FLT3: variants seen among roughly 807,000 people sequenced by gnomAD.
The protein encoded by FLT3 is fms related receptor tyrosine kinase 3.
FLT3 carries 46 observed loss-of-function variants against 126.6 expected under a neutral mutation model. The observed-to-expected ratio is 0.36, with a 90% CI of 0.29 to 0.46. The LOEUF is 0.46. FLT3 is among the 20% of genes least tolerant of loss of function. FLT3 has a pLI of 1.00. For synonymous variants in FLT3, 404 were observed against 434.4 expected (o/e 0.93, Z 0.87); for missense variants, 1,069 against 1,190.3 (o/e 0.90, Z 1.50).
intron 1 of FLT3, among the ~76,000 whole-genome samples, chr13:28,077,105 G>GAA (rs1368526389): frequency 2.6e-4 from 34 of 132,482 alleles, no homozygotes; most frequent in East Asian, 1.7e-3. Flanking sequence ...GAAAAAGAAA[G>GAA]AGAGAGAGAA....
Position 28,049,554 on chromosome 13 carries a change from CAG to C in FLT3, c.883-19_883-18del. 1.2e-6 allele frequency: 2 copies of C among 1,612,596 alleles called. No individual in the cohort carries two copies. Among genetic ancestry groups the C allele is most frequent in the South Asian group, 2.2e-5 (2 of 90,960 alleles). ...GTAGTTGCCCTAGGTTTTAATAAAA[CAG>C]AGTTTGCATTTAATGTTTTCAATCC... On this transcript the variant is annotated intron_variant, in intron 7 of 23. Transcript: ENST00000241453.
intron 1 of FLT3, among the ~76,000 whole-genome samples, chr13:28,082,489 C>T (rs1878391710): frequency 6.6e-6 from 1 of 151,408 alleles, no homozygotes; most frequent in Non-Finnish European, 1.5e-5. Context: ...TTCTGCTGCT[C>T]ACTCCAGGAG....
intron 10 of FLT3, 63 bp downstream of exon 10, chr13:28,037,122 T>G (rs1000538875): frequency 5.1e-6 from 5 of 983,398 alleles, no homozygotes; most frequent in African/African-American, 1.6e-5. Context: ...TTTTCCTAGT[T>G]AAGACTAATA....
intron 4 of FLT3, among the ~76,000 whole-genome samples, chr13:28,053,090 GA>G (rs754697863): frequency 6.6e-6 from 1 of 151,998 alleles, no homozygotes; most frequent in Non-Finnish European, 1.5e-5. Context: ...CTAAGATTTA[GA>G]AAGACAGAAG....
rs1017255901 is a variant in FLT3, at chr13:28,023,600, A to G, written c.2291-123T>C. ...TGCTAAGACATGAAGCTATCGCATTATCTTCCCGGCAGCATTAGAGATGAC... is the reference window on the plus strand; with the variant it reads ...TGCTAAGACATGAAGCTATCGCATTGTCTTCCCGGCAGCATTAGAGATGAC... On this transcript the variant is annotated intron_variant, in intron 18 of 23. Coordinates refer to ENST00000241453, the MANE Select transcript of FLT3 (RefSeq NM_004119.3). The G allele has an allele frequency of 4.8e-6, 5 of 1,047,044 alleles. No individual in the cohort carries two copies. In the Admixed American group the frequency reaches 1.1e-4, roughly 24 times the overall value. The allele number at this position is 1,047,044 out of a possible 1,614,324, so 64.9% of individuals were successfully genotyped here. A position where few individuals can be genotyped will look rare whatever the true frequency, so the allele number is the denominator to read the frequency against.
At chr13:28,028,004 C>G (rs964543907) in intron 16 of FLT3, among the ~76,000 whole-genome samples, 174 bp downstream of exon 16, 1 of 152,056 alleles carries the variant, frequency 6.6e-6, no homozygotes, top group Non-Finnish European at 1.5e-5. Context: ...TTATTTTGAC[C>G]CCTCTGATTT....
At position 28,034,318 on chromosome 13, in the gene FLT3, A is replaced by C; in HGVS notation, c.1687T>G (p.Cys563Gly). ...GCTTTTACCTTTTTGTACTTGTGAC[A>C]AATTAGCAGGGTTAAAACGACAATG... The part of the protein sequence containing the change: ...LFIVVLTLLI[C>G]HKYKKQFRYE... Residue 563 changes from cysteine to glycine, a missense_variant, in exon 13 of 24, where the codon TGT (cysteine) becomes GGT (glycine). By Grantham distance (159) the Cys-to-Gly change is radical. Transcript: ENST00000241453. The C allele has an allele frequency of 1.2e-6, 2 of 1,613,884 alleles. No individual in the cohort carries two copies. The highest frequency in any genetic ancestry group is 1.7e-6 in the Non-Finnish European group (2 of 1,179,746).
chr13:28,023,900 C>T (rs1232247295), intron 18 of FLT3, among the ~76,000 whole-genome samples: 6 of 151,956 alleles, frequency 3.9e-5, no homozygotes, highest in African/African-American at 7.3e-5. Flanking sequence ...CTCAGCTTCC[C>T]GAGTAGCTGG....
At chr13:28,028,040 C>T (rs1872966094) in intron 16 of FLT3, 138 bp downstream of exon 16, 3 of 609,558 alleles carry the variant, frequency 4.9e-6, no homozygotes, top group Non-Finnish European at 8.9e-6. Flanking sequence ...TCTAATTCCA[C>T]TTGGGTTTGA....
At chr13:28,076,700 G>A (rs1417537187) in intron 1 of FLT3, among the ~76,000 whole-genome samples, 1 of 152,122 alleles carries the variant, frequency 6.6e-6, no homozygotes, top group African/African-American at 2.4e-5. Context: ...GGCCAAGGTG[G>A]GAGGATTGCT....
intron 1 of FLT3, among the ~76,000 whole-genome samples, chr13:28,074,159 A>T (rs1877769784): frequency 6.6e-6 from 1 of 152,032 alleles, no homozygotes; most frequent in Non-Finnish European, 1.5e-5. Flanking sequence ...ACACAGTATG[A>T]ACTGTTTTTT....
intron 1 of FLT3, among the ~76,000 whole-genome samples, chr13:28,076,058 A>G (rs1349011996): frequency 2.6e-5 from 4 of 152,218 alleles, no homozygotes; most frequent in East Asian, 1.9e-4. Flanking sequence ...CGGCCTCCCA[A>G]AGTGCTGGGA....
intron 9 of FLT3, among the ~76,000 whole-genome samples, chr13:28,048,006 A>T (rs1218007071): frequency 6.6e-6 from 1 of 152,230 alleles, no homozygotes; most frequent in East Asian, 1.9e-4. Context: ...CTTGTGACTC[A>T]GAAAATGCCA....
chr13:28,004,310 T>C, intron 23 of FLT3, 136 bp from the exon 24 acceptor site: 1 of 995,130 alleles, frequency 1.0e-6, no homozygotes, highest in South Asian at 1.6e-5. Context: ...TTGTTGTTTG[T>C]TTGTTTATTT....
chr13:28,039,522 T>C (rs1029416059), intron 9 of FLT3, among the ~76,000 whole-genome samples: 3 of 150,370 alleles, frequency 2.0e-5, no homozygotes, highest in South Asian at 2.1e-4. Context: ...ACAACAATGC[T>C]TACTGCCCTG....
At chr13:28,009,327 A>C (rs1593206745) in intron 23 of FLT3, 1 of 152,160 alleles carries the variant, frequency 6.6e-6, no homozygotes, top group Non-Finnish European at 1.5e-5. Flanking sequence ...TGTTGATTTC[A>C]CCATGTGGCT....
chr13:28,071,677 T>C (rs9513022), intron 1 of FLT3, among the ~76,000 whole-genome samples: 151,922 of 152,188 alleles, frequency 1, 75,829 homozygotes, highest in Middle Eastern at 1. Context: ...TTCTCACCGG[T>C]TGGTCCGACT....
rs761757421 is a variant in FLT3 at position 28,034,171 on chromosome 13, C to T, written c.1748G>A (p.Gly583Asp). The T allele has an allele frequency of 1.2e-6, 2 of 1,613,964 alleles. No individual in the cohort carries two copies. Among genetic ancestry groups the T allele is most frequent in the Non-Finnish European group, 1.7e-6 (2 of 1,179,910 alleles). Residue 583 changes from glycine to aspartate, a missense_variant, in exon 14 of 24, where the codon GGC becomes GAC. Coordinates refer to ENST00000241453, the MANE Select transcript of FLT3 (RefSeq NM_004119.3). The stretch of plus-strand genomic sequence containing the variant: ...GTAGAAGTACTCATTATCTGAGGAG[C>T]CGGTCACCTGTACCATCTGTAGCTG... ...ESQLQMVQVTGSSDNEYFYVD... is the reference protein window; with the variant it reads ...ESQLQMVQVTDSSDNEYFYVD...
At position 28,027,215 on chromosome 13, in the gene FLT3, A is replaced by G. The variant is rs1221467960; in HGVS notation, c.2080T>C (p.Cys694Arg). The G allele has an allele frequency of 6.2e-7, 1 of 1,612,064 alleles. No individual in the cohort carries two copies. Among genetic ancestry groups the G allele is most frequent in the Admixed American group, 1.7e-5 (1 of 59,796 alleles). Residue 694 changes from cysteine to arginine, a missense_variant, in exon 17 of 24, where the codon TGT becomes CGT. Coordinates refer to ENST00000241453, the MANE Select transcript of FLT3 (RefSeq NM_004119.3). Reference sequence around the variant, plus strand: ...TAGTTGAGAAGATCACCATAGCAACAGTATTCAAAAATCAAGTAAATTGGT... The same window carrying G: ...TAGTTGAGAAGATCACCATAGCAACGGTATTCAAAAATCAAGTAAATTGGT... Reference protein sequence around the residue: ...SGPIYLIFEYCCYGDLLNYLR... With the variant: ...SGPIYLIFEYRCYGDLLNYLR...
Sources: gnomAD v4.1 joint callset for allele counts (sites outside exome capture counted in the v4.1 genomes callset) on GRCh38, gnomAD v4.1.1 for gene constraint, MANE v1.5 for transcripts, NCBI Gene and HGNC (gene_info 2026-07-23, HGNC 2026-07-21) for gene names.